Variants in XKR6 observed in about 807,000 individuals in gnomAD.
XKR6 encodes the protein XK-related protein 6.
A neutral mutation model predicts 56.7 loss-of-function variants in XKR6; 22 were observed. The observed-to-expected ratio is 0.39, with a 90% confidence interval of 0.28 to 0.55. The LOEUF (loss-of-function observed/expected upper bound fraction) is 0.55, where lower values mean the gene tolerates loss of function less well. Ranked by LOEUF, XKR6 falls within the 20% of genes least tolerant of loss-of-function variation. The pLI, the probability that XKR6 is intolerant of heterozygous loss-of-function variation, is 0.66. For synonymous variants in XKR6, 524 were observed against 387.8 expected (o/e 1.35, Z -4.13); for missense variants, 852 against 889.0 (o/e 0.96, Z 0.53).
In XKR6 at chr8:10,991,721, T is replaced by C. The variant is rs140902824; in HGVS notation, c.765-66891A>G. 2.9e-3 allele frequency among the ~76,000 whole-genome samples: 436 copies of C among 152,304 alleles called. 2 individuals carry two copies. Among genetic ancestry groups the C allele is most frequent in the African/African-American group, 0.01 (418 of 41,558 alleles). On this transcript the variant is annotated intron_variant, in intron 1 of 2. Transcript: ENST00000416569. ...CAGAATCATGATTTCTAAATTTATT[T>C]AAAGGTAGAGTTGCAGAATTCCTTC...
chr8:11,005,217 T>C (rs146562802), intron 1 of XKR6, among the ~76,000 whole-genome samples: 5 of 152,184 alleles, frequency 3.3e-5, no homozygotes, highest in East Asian at 1.9e-4. Context: ...CAAGATTTCA[T>C]CATGCTGCTC....
At chr8:11,084,670 T>A (rs1797828319) in intron 1 of XKR6, among the ~76,000 whole-genome samples, 1 of 152,198 alleles carries the variant, frequency 6.6e-6, no homozygotes, top group Admixed American at 6.5e-5. Flanking sequence ...GTTACCAGAC[T>A]TCAGCTTTCA....
chr8:11,191,361 G>A (rs1158113579), intron 1 of XKR6, among the ~76,000 whole-genome samples: 2 of 152,146 alleles, frequency 1.3e-5, no homozygotes, highest in Non-Finnish European at 2.9e-5. Flanking sequence ...CTGATACTTT[G>A]CTAACATATG....
Position 11,039,006 on chromosome 8 carries a change from G to A in XKR6, c.765-114176C>T, listed in dbSNP as rs539395980. Among the ~76,000 whole-genome samples the A allele has an allele frequency of 1.1e-4, 16 of 152,274 alleles. No individual in the cohort carries two copies. In the South Asian group the frequency reaches 1.7e-3, roughly 16 times the overall value. On this transcript the variant is annotated intron_variant, in intron 1 of 2. Coordinates refer to ENST00000416569, the MANE Select transcript of XKR6 (RefSeq NM_173683.4). Reference sequence around the variant, plus strand: ...TCGACGCCACCCCCAGCTGCAGGGCGGGTGGGCACTGAGACCCTGCCACTC... The same window carrying A: ...TCGACGCCACCCCCAGCTGCAGGGCAGGTGGGCACTGAGACCCTGCCACTC...
At chr8:11,152,650 T>C (rs1296224335) in intron 1 of XKR6, among the ~76,000 whole-genome samples, 1 of 152,224 alleles carries the variant, frequency 6.6e-6, no homozygotes, top group Non-Finnish European at 1.5e-5. Context: ...GTTTGCTTTA[T>C]TTCACTCATC....
At chr8:11,130,534 G>T (rs553620264) in intron 1 of XKR6, among the ~76,000 whole-genome samples, 1 of 151,772 alleles carries the variant, frequency 6.6e-6, no homozygotes, top group African/African-American at 2.4e-5. Context: ...CCCAAGTGCC[G>T]TAGTCTCTGT....
intron 1 of XKR6, among the ~76,000 whole-genome samples, chr8:11,088,124 A>G (rs1490951072): frequency 6.6e-6 from 1 of 152,260 alleles, no homozygotes; most frequent in Non-Finnish European, 1.5e-5. Flanking sequence ...AATTCTATTC[A>G]GTGTCAGGTC....
chr8:11,161,515 G>A (rs1019439577), intron 1 of XKR6, among the ~76,000 whole-genome samples: 3 of 152,200 alleles, frequency 2.0e-5, no homozygotes, highest in Non-Finnish European at 2.9e-5. Context: ...AACTCAGTAG[G>A]TGCTAACAAT....
At chr8:11,035,692 A>C (rs886711214) in intron 1 of XKR6, among the ~76,000 whole-genome samples, 2 of 152,216 alleles carry the variant, frequency 1.3e-5, no homozygotes, top group African/African-American at 4.8e-5. Flanking sequence ...GTGTACAGAC[A>C]GTGGTGTGTC....
chr8:11,076,717 G>C (rs944730899), intron 1 of XKR6, among the ~76,000 whole-genome samples: 1 of 152,220 alleles, frequency 6.6e-6, no homozygotes, highest in Non-Finnish European at 1.5e-5. Context: ...GCCAGGATCC[G>C]GGGCCTCAGC....
chr8:10,944,889 G>A (rs1801490350), intron 1 of XKR6, among the ~76,000 whole-genome samples: 1 of 152,194 alleles, frequency 6.6e-6, no homozygotes, highest in Non-Finnish European at 1.5e-5. Context: ...GGCTCAGGGT[G>A]CGTGTCTGAG....
At chr8:11,076,957 C>T (rs1471506641) in intron 1 of XKR6, among the ~76,000 whole-genome samples, 1 of 152,172 alleles carries the variant, frequency 6.6e-6, no homozygotes, top group African/African-American at 2.4e-5. Flanking sequence ...ATGAGGATTG[C>T]TTGAGCCCAG....
chr8:11,055,906 C>A (rs1235538459), intron 1 of XKR6, among the ~76,000 whole-genome samples: 1 of 152,162 alleles, frequency 6.6e-6, no homozygotes, highest in Non-Finnish European at 1.5e-5. Flanking sequence ...TCCTTCATAC[C>A]CCCGCTCCAT....
chr8:11,114,731 G>A (rs896103596), intron 1 of XKR6, among the ~76,000 whole-genome samples: 1,636 of 72,582 alleles, frequency 0.023, 33 homozygotes, highest in African/African-American at 0.12. Context: ...TCACATATGT[G>A]TGTGTGTGTG....
intron 1 of XKR6, among the ~76,000 whole-genome samples, chr8:11,059,122 T>C (rs1473560948): frequency 6.6e-6 from 1 of 152,138 alleles, no homozygotes; most frequent in Non-Finnish European, 1.5e-5. Context: ...CCAAGAGCTT[T>C]TCAGGCCCAG....
At chr8:11,105,602 C>T (rs1285374144) in intron 1 of XKR6, 4 of 152,220 alleles carry the variant, frequency 2.6e-5, no homozygotes, top group African/African-American at 7.2e-5. Context: ...TTTAGATCAT[C>T]GTATTGATAC....
intron 1 of XKR6, among the ~76,000 whole-genome samples, chr8:11,041,753 A>C (rs918667638): frequency 1.3e-5 from 2 of 152,230 alleles, no homozygotes; most frequent in African/African-American, 4.8e-5. Context: ...CCCCTCTGCC[A>C]TCTGGCCCAG....
chr8:11,195,370 A>C, intron 1 of XKR6: 1 of 583,742 alleles, frequency 1.7e-6, no homozygotes, highest in South Asian at 2.2e-5. Flanking sequence ...TATCATGTTA[A>C]ATAATTCTTT....
chr8:11,161,927 G>A (rs1801834064), intron 1 of XKR6, among the ~76,000 whole-genome samples: 1 of 152,094 alleles, frequency 6.6e-6, no homozygotes, highest in South Asian at 2.1e-4. Flanking sequence ...AGGTTGTAGT[G>A]AATACAAGGA....
Sources: allele counts gnomAD v4.1 joint callset (sites outside exome capture counted in the v4.1 genomes callset), GRCh38; gene constraint gnomAD v4.1.1; transcripts MANE v1.5; gene names NCBI Gene and HGNC (gene_info 2026-07-23, HGNC 2026-07-21).